CIB3: variants seen among roughly 807,000 people sequenced by gnomAD.
The protein encoded by CIB3 is calcium and integrin-binding family member 3.
Under a neutral mutation model 23.4 loss-of-function variants are expected in CIB3, and 22 were observed. The observed-to-expected ratio is 0.94, with a 90% confidence interval of 0.67 to 1.34. The LOEUF is 1.34. Among genes scored for constraint, CIB3 ranks in the 40% most tolerant of loss-of-function variants. The probability of loss-of-function intolerance (pLI) is 0.00; values close to 1 mark genes in which losing one functional copy is unlikely to be tolerated. For synonymous variants in CIB3, 93 were observed against 95.8 expected (o/e 0.97, Z 0.17); for missense variants, 258 against 247.3 (o/e 1.04, Z -0.29).
chr19:16,161,613 C>T (rs1472032734), intron 5 of CIB3, 127 bp from the exon 6 acceptor site: 14 of 887,600 alleles, frequency 1.6e-5, no homozygotes, highest in Non-Finnish European at 2.4e-5. Context: ...ACCCCTCAAA[C>T]AACCCTAGGC....
intron 5 of CIB3, 92 bp from the exon 6 acceptor site, chr19:16,161,578 G>T: frequency 7.0e-7 from 1 of 1,418,598 alleles, no homozygotes; most frequent in Non-Finnish European, 9.9e-7. Context: ...AAGTCCCTGG[G>T]ACAGGCAGGA....
intron 2 of CIB3, among the ~76,000 whole-genome samples, chr19:16,171,221 G>T (rs1215029465): frequency 2.6e-5 from 4 of 152,074 alleles, no homozygotes; most frequent in Non-Finnish European, 5.9e-5. Flanking sequence ...TTCCTCAATG[G>T]GGCAGAGCAG....
chr19:16,171,601 A>G (rs2091328499), intron 2 of CIB3, among the ~76,000 whole-genome samples: 1 of 152,116 alleles, frequency 6.6e-6, no homozygotes, highest in Admixed American at 6.6e-5. Context: ...GGCTCTGAGC[A>G]TGTTCCTCTC....
intron 2 of CIB3, 71 bp from the exon 3 acceptor site, chr19:16,169,812 T>A: frequency 7.4e-7 from 1 of 1,357,118 alleles, no homozygotes; most frequent in Non-Finnish European, 9.9e-7. Context: ...CCCTTCTTTG[T>A]TTTTTGAGAC....
chr19:16,165,280 A>G (rs2091301286), intron 4 of CIB3, among the ~76,000 whole-genome samples: 1 of 124,028 alleles, frequency 8.1e-6, no homozygotes, highest in Admixed American at 8.9e-5. Context: ...GCAGCAAGAC[A>G]GAAACTCCGT....
intron 4 of CIB3, among the ~76,000 whole-genome samples, chr19:16,166,450 A>T (rs1372234360): frequency 6.6e-6 from 1 of 152,178 alleles, no homozygotes; most frequent in African/African-American, 2.4e-5. Context: ...CTCAACAAGT[A>T]TTTATTGAGT....
At chr19:16,165,575 C>G (rs1025485798) in intron 4 of CIB3, among the ~76,000 whole-genome samples, 1 of 151,990 alleles carries the variant, frequency 6.6e-6, no homozygotes, top group Non-Finnish European at 1.5e-5. Context: ...TCCCAAGTAG[C>G]TGGGATTACA....
intron 2 of CIB3, 98 bp downstream of exon 2, chr19:16,173,064 A>G: frequency 7.0e-7 from 1 of 1,423,896 alleles, no homozygotes; most frequent in Non-Finnish European, 9.9e-7. Context: ...ACACACACAC[A>G]CACACACACA....
intron 5 of CIB3, among the ~76,000 whole-genome samples, chr19:16,161,722 G>C (rs1015976932): frequency 1.6e-5 from 2 of 127,254 alleles, no homozygotes; most frequent in African/African-American, 2.9e-5. Flanking sequence ...CTGTCTCCCA[G>C]GCTGTAGTGC....
intron 4 of CIB3, among the ~76,000 whole-genome samples, chr19:16,167,008 G>C (rs1332362388): frequency 6.6e-6 from 1 of 152,166 alleles, no homozygotes; most frequent in African/African-American, 2.4e-5. Context: ...CTGAGGTCAG[G>C]AGTTCGAGAC....
At chr19:16,169,989 AC>A (rs979917954) in intron 2 of CIB3, among the ~76,000 whole-genome samples, 1 of 152,126 alleles carries the variant, frequency 6.6e-6, no homozygotes, top group Non-Finnish European at 1.5e-5. Context: ...TTTAGTAGCG[AC>A]GGGGTTTCAT....
Position 16,169,678 on chromosome 19 carries a change from G to A in CIB3, c.150C>T (p.Pro50=), listed in dbSNP as rs371720260. ...QLVPLDYTTC[P]DVKVPYELIG... is the part of the protein sequence containing the mutation. Reference sequence around the variant, plus strand: ...TGAGCTCGTAGGGCACCTTCACATCGGGGCAGGTGGTATAGTCGAGGGGCA... The same window carrying A: ...TGAGCTCGTAGGGCACCTTCACATCAGGGCAGGTGGTATAGTCGAGGGGCA... The change falls in exon 3 of 6, where the codon CCC becomes CCT. Residue 50 remains proline (P), a synonymous_variant. Coordinates refer to ENST00000269878, the MANE Select transcript of CIB3 (RefSeq NM_054113.4). 57 of 1,613,654 alleles carry A rather than the reference G, an allele frequency of 3.5e-5. 1 individual carries two copies. Among genetic ancestry groups the A allele is most frequent in the African/African-American group, 2.4e-4 (18 of 74,900 alleles).
intron 5 of CIB3, among the ~76,000 whole-genome samples, chr19:16,163,512 A>C (rs940937398): frequency 4.6e-5 from 7 of 152,138 alleles, no homozygotes; most frequent in East Asian, 3.9e-4. Context: ...CTGAGATTGC[A>C]CCACTGCACT....
intron 2 of CIB3, 32 bp from the exon 3 acceptor site, chr19:16,169,773 T>TGGGAGCA (rs765733415): frequency 6.4e-7 from 1 of 1,561,658 alleles, no homozygotes; most frequent in Non-Finnish European, 8.7e-7. Context: ...TGGGAAAGAC[T>TGGGAGCA]GGGAGCAGGG....
chr19:16,166,184 G>A (rs1199841711), intron 4 of CIB3, among the ~76,000 whole-genome samples: 2 of 152,114 alleles, frequency 1.3e-5, no homozygotes, highest in Non-Finnish European at 2.9e-5. Flanking sequence ...CCAGCTACTA[G>A]GTAGGCTGAG....
intron 4 of CIB3, 148 bp downstream of exon 4, chr19:16,167,989 G>A (rs956096848): frequency 1.0e-5 from 10 of 977,666 alleles, no homozygotes; most frequent in Non-Finnish European, 1.5e-5. Context: ...AAATAAATGA[G>A]GTGGGGAGGC....
intron 5 of CIB3, among the ~76,000 whole-genome samples, chr19:16,162,442 C>A (rs947759771): frequency 4.0e-5 from 6 of 149,372 alleles, no homozygotes. Flanking sequence ...TTCAGCACTG[C>A]CTCAGCTTAT....
chr19:16,170,382 G>A (rs1244356321), intron 2 of CIB3, among the ~76,000 whole-genome samples: 1 of 152,208 alleles, frequency 6.6e-6, no homozygotes, highest in Non-Finnish European at 1.5e-5. Flanking sequence ...GGAGTTGGGA[G>A]AAGGGAGGGT....
intron 2 of CIB3, among the ~76,000 whole-genome samples, chr19:16,171,526 A>T (rs1465709519): frequency 2.0e-5 from 3 of 152,150 alleles, no homozygotes; most frequent in Non-Finnish European, 4.4e-5. Flanking sequence ...TAGAACTTTC[A>T]TCCTGACCAC....
Sources: allele counts gnomAD v4.1 joint callset (sites outside exome capture counted in the v4.1 genomes callset), GRCh38; gene constraint gnomAD v4.1.1; transcripts MANE v1.5; gene names NCBI Gene and HGNC (gene_info 2026-07-23, HGNC 2026-07-21).